Variants in LRBA observed in about 807,000 individuals in gnomAD.
LRBA encodes the protein LPS responsive beige-like anchor protein.
LRBA carries 176 observed loss-of-function variants against 330.0 expected under a neutral mutation model. The observed-to-expected ratio is 0.53, with a 90% CI of 0.47 to 0.60. The LOEUF (loss-of-function observed/expected upper bound fraction) is 0.60, where lower values mean the gene tolerates loss of function less well. Ranked by LOEUF, LRBA falls within the 20% of genes least tolerant of loss-of-function variation. The probability of loss-of-function intolerance (pLI) is 0.00; values close to 1 mark genes in which losing one functional copy is unlikely to be tolerated. For missense variants in LRBA, 3,259 were observed against 3,444.8 expected, an observed-to-expected ratio of 0.95 and a Z score of 1.35; for synonymous variants, 1,230 against 1,193.0, an observed-to-expected ratio of 1.03 and a Z score of -0.64.
In LRBA at chr4:150,900,191, C is replaced by G; in HGVS notation, c.1782G>C (p.Leu594=). 6.2e-7 allele frequency: 1 copy of G among 1,612,978 alleles called. No homozygotes were observed. Among genetic ancestry groups the G allele is most frequent in the Non-Finnish European group, 8.5e-7 (1 of 1,179,334 alleles). The change falls in exon 14 of 57, where the codon CTG becomes CTC. Residue 594 remains leucine (L), a synonymous_variant. Transcript: ENST00000651943. ...TGACTGTACCAATGAATTCCGTGGA[C>G]AGATAAGTATAGAGCATCAGTTGAA... ...AKVQLMLYTY[L]STEFIGTVNI...
Position 150,265,711 on chromosome 4 carries a change from A to AGCTGTCAC in LRBA, c.*3_*10dup. 1 of 1,574,242 alleles carries AGCTGTCAC rather than the reference A, an allele frequency of 6.4e-7. No individual in the cohort carries two copies. On this transcript the variant is annotated 3_prime_UTR_variant, in exon 57 of 57. Coordinates refer to ENST00000651943, the MANE Select transcript of LRBA (RefSeq NM_001364905.1). The stretch of plus-strand genomic sequence containing the variant: ...CATCCTAGGGGCAGAGTTGATGTAC[A>AGCTGTCAC]GCTGTCACCATCAGTAGCGGGTTTG...
chr4:150,398,352 C>T (rs1188882789), intron 47 of LRBA, among the ~76,000 whole-genome samples: 3 of 152,086 alleles, frequency 2.0e-5, no homozygotes, highest in Non-Finnish European at 4.4e-5. Context: ...GTAGATTTCA[C>T]GAGCTCATAA....
chr4:150,321,217 G>A lies in LRBA; in HGVS notation c.7604C>T (p.Ala2535Val), dbSNP rs377257515. 49 of 1,608,132 alleles carry A rather than the reference G, an allele frequency of 3.0e-5. No homozygotes were observed. Among genetic ancestry groups the A allele is most frequent in the African/African-American group, 6.7e-5 (5 of 74,588 alleles). ...VITVTANRLF[A>V]VNKWHNLPAH... ...AGGAAGGTTGTGCCATTTGTTCACC[G>A]CAAATAACCTGTTAGCAGTGACTGT... The change falls in exon 50 of 57, where the codon GCG becomes GTG. Residue 2535 changes from alanine (A) to valine (V), a missense_variant. Transcript: ENST00000651943. The surrounding 1 kb of genome is among the most constrained non-coding windows in gnomAD (Gnocchi z 4.5).
At chr4:150,416,728 T>C (rs1581246258) in intron 46 of LRBA, among the ~76,000 whole-genome samples, 1 of 151,682 alleles carries the variant, frequency 6.6e-6, no homozygotes, top group South Asian at 2.1e-4. Context: ...TCAAAAACAA[T>C]GTATATAATT....
intron 46 of LRBA, among the ~76,000 whole-genome samples, chr4:150,431,653 A>T (rs1472786136): frequency 2.6e-5 from 4 of 151,604 alleles, no homozygotes; most frequent in Admixed American, 6.6e-5. Flanking sequence ...ATTAAAATTA[A>T]TTTTTTTTTA....
At chr4:150,395,684 A>T (rs964639319) in intron 47 of LRBA, among the ~76,000 whole-genome samples, 15 of 152,266 alleles carry the variant, frequency 9.9e-5, no homozygotes, top group Middle Eastern at 3.4e-3. Flanking sequence ...TGTGACCTCA[A>T]CTTAACCTCC....
chr4:150,840,870 G>T, intron 28 of LRBA: 2 of 960,066 alleles, frequency 2.1e-6, no homozygotes, highest in Non-Finnish European at 2.6e-6. Flanking sequence ...AGAAACTAAT[G>T]GTAAAAATGA....
intron 49 of LRBA, among the ~76,000 whole-genome samples, chr4:150,325,555 T>G (rs1316156138): frequency 2.0e-5 from 3 of 152,088 alleles, no homozygotes; most frequent in African/African-American, 7.2e-5. Flanking sequence ...TTCATGACAA[T>G]TATGGACCTT....
chr4:150,849,660 G>T (rs1750363253), intron 24 of LRBA, 85 bp from the exon 25 acceptor site: 3 of 1,094,286 alleles, frequency 2.7e-6, no homozygotes, highest in African/African-American at 3.1e-5. Context: ...AAGATAAGAA[G>T]GTGCTTTTGC....
chr4:150,611,031 C>G (rs1332365846), intron 37 of LRBA, among the ~76,000 whole-genome samples: 1 of 152,082 alleles, frequency 6.6e-6, no homozygotes, highest in African/African-American at 2.4e-5. Flanking sequence ...TGAAGACTTT[C>G]TTCAGTCTTC....
intron 47 of LRBA, among the ~76,000 whole-genome samples, chr4:150,379,027 T>C (rs541791554): frequency 5.9e-5 from 9 of 152,110 alleles, no homozygotes; most frequent in African/African-American, 2.2e-4. Context: ...AGGCCAGGCA[T>C]GGTGGCTCAT....
chr4:150,361,099 T>C (rs1738620229), intron 47 of LRBA, among the ~76,000 whole-genome samples: 1 of 152,224 alleles, frequency 6.6e-6, no homozygotes. Context: ...ATATGACATC[T>C]GTAATGTGTA....
At chr4:150,297,317 T>A (rs1236037068) in intron 53 of LRBA, among the ~76,000 whole-genome samples, 1 of 152,202 alleles carries the variant, frequency 6.6e-6, no homozygotes, top group African/African-American at 2.4e-5. Flanking sequence ...CCACATCTAC[T>A]ATTAGTTACA....
At chr4:150,296,197 G>A (rs1021200512) in intron 53 of LRBA, among the ~76,000 whole-genome samples, 1 of 151,954 alleles carries the variant, frequency 6.6e-6, no homozygotes, top group Non-Finnish European at 1.5e-5. Context: ...TTAAAAATAC[G>A]TAAGTAAGGG....
chr4:150,772,570 G>A (rs890328064), intron 34 of LRBA, among the ~76,000 whole-genome samples: 9 of 152,274 alleles, frequency 5.9e-5, no homozygotes, highest in Non-Finnish European at 1.3e-4. Flanking sequence ...GTGGCCCAGT[G>A]TTAACTGTTC....
chr4:150,834,075 C>T (rs1433029024), intron 28 of LRBA, among the ~76,000 whole-genome samples: 1 of 152,198 alleles, frequency 6.6e-6, no homozygotes, highest in African/African-American at 2.4e-5. Flanking sequence ...CTCTGCTTCT[C>T]ATTCTGATTC....
At chr4:150,775,033 A>G (rs1218436485) in intron 34 of LRBA, among the ~76,000 whole-genome samples, 1 of 152,140 alleles carries the variant, frequency 6.6e-6, no homozygotes, top group Non-Finnish European at 1.5e-5. Context: ...TCTGCTGTCC[A>G]TTATGGTGAC....
intron 46 of LRBA, among the ~76,000 whole-genome samples, chr4:150,421,773 C>T (rs1402502131): frequency 1.3e-5 from 2 of 152,132 alleles, no homozygotes; most frequent in African/African-American, 4.8e-5. Context: ...CAGCTCTCTG[C>T]TCCACCCCAG....
intron 48 of LRBA, among the ~76,000 whole-genome samples, chr4:150,335,852 A>T (rs143015597): frequency 9.9e-5 from 15 of 151,974 alleles, no homozygotes; most frequent in Admixed American, 3.3e-4. Context: ...GTGTGCCACC[A>T]TGCCTGGCTG....
Sources: allele counts gnomAD v4.1 joint callset (sites outside exome capture counted in the v4.1 genomes callset), GRCh38; gene constraint gnomAD v4.1.1; non-coding constraint Gnocchi (gnomAD v3.1); transcripts MANE v1.5; gene names NCBI Gene and HGNC (gene_info 2026-07-23, HGNC 2026-07-21).